The following NBEA variants were observed in gnomAD, a reference collection of about 807,000 sequenced individuals.
NBEA encodes the protein lysosomal-trafficking regulator 2.
Under a neutral mutation model 343.4 loss-of-function variants are expected in NBEA, and 44 were observed. That is an observed-to-expected ratio of 0.13 (90% confidence interval 0.10 to 0.16). NBEA has a LOEUF of 0.16. NBEA is among the 10% of genes least tolerant of loss of function. The pLI, the probability that NBEA is intolerant of heterozygous loss-of-function variation, is 1.00. For synonymous variants in NBEA, 1,175 were observed against 1,238.7 expected, an observed-to-expected ratio of 0.95 and a Z score of 1.08; for missense variants, 2,555 against 3,631.3, an observed-to-expected ratio of 0.70 and a Z score of 7.62.
At chr13:35,177,883 G>C (rs2071026960) in intron 28 of NBEA, among the ~76,000 whole-genome samples, 1 of 151,600 alleles carries the variant, frequency 6.6e-6, no homozygotes, top group Non-Finnish European at 1.5e-5. Flanking sequence ...TGAATGGCAT[G>C]CTTTGTACTT....
chr13:35,350,359 C>T (rs1276026531), intron 37 of NBEA, among the ~76,000 whole-genome samples: 4 of 152,210 alleles, frequency 2.6e-5, no homozygotes, highest in Middle Eastern at 3.4e-3. Context: ...TCCTTTTAGA[C>T]ATTTTGCCTA....
chr13:35,010,583 A>G (rs960737162), intron 1 of NBEA, among the ~76,000 whole-genome samples: 9 of 149,558 alleles, frequency 6.0e-5, no homozygotes, highest in Non-Finnish European at 1.2e-4. Context: ...TCTCAAAAAA[A>G]AAAAAAAAAA....
intron 56 of NBEA, 135 bp downstream of exon 56, chr13:35,665,321 G>T (rs2085300001): frequency 1.5e-6 from 1 of 646,570 alleles, no homozygotes; most frequent in South Asian, 2.0e-5. Flanking sequence ...TAGATGTTTA[G>T]TTTTATGATT....
At chr13:35,333,961 A>T (rs2039085457) in intron 36 of NBEA, among the ~76,000 whole-genome samples, 1 of 152,054 alleles carries the variant, frequency 6.6e-6, no homozygotes, top group Admixed American at 6.6e-5. Flanking sequence ...GACATTTAGG[A>T]TGCTTCCAAA....
chr13:35,070,452 C>T (rs1449742237), intron 9 of NBEA, among the ~76,000 whole-genome samples: 1 of 151,844 alleles, frequency 6.6e-6, no homozygotes, highest in East Asian at 1.9e-4. Context: ...TCTTTAAATC[C>T]ATCAATAGTA....
intron 38 of NBEA, among the ~76,000 whole-genome samples, chr13:35,387,357 AT>A (rs996747120): frequency 1.3e-5 from 2 of 151,486 alleles, no homozygotes; most frequent in Admixed American, 6.6e-5. Flanking sequence ...AGGGACATTG[AT>A]TTTTTTTCCT....
intron 38 of NBEA, among the ~76,000 whole-genome samples, chr13:35,395,316 C>A (rs1443307788): frequency 6.6e-6 from 1 of 151,860 alleles, no homozygotes; most frequent in Non-Finnish European, 1.5e-5. Flanking sequence ...TGCTATTCCT[C>A]TGATAGAATT....
chr13:35,639,761 T>C (rs904435690), intron 49 of NBEA, among the ~76,000 whole-genome samples: 1 of 152,132 alleles, frequency 6.6e-6, no homozygotes, highest in Non-Finnish European at 1.5e-5. Context: ...ATATTTTGCA[T>C]TGTGGGTACC....
chr13:35,569,240 G>T (rs1047233586), intron 45 of NBEA, among the ~76,000 whole-genome samples: 1 of 152,138 alleles, frequency 6.6e-6, no homozygotes, highest in South Asian at 2.1e-4. Flanking sequence ...ATTTTGGGGT[G>T]TAAAACAAAA....
intron 1 of NBEA, among the ~76,000 whole-genome samples, chr13:35,031,395 T>C (rs1324787628): frequency 6.6e-6 from 1 of 151,720 alleles, no homozygotes; most frequent in African/African-American, 2.4e-5. Flanking sequence ...TGATATCTAA[T>C]AGAGTGTATG....
intron 35 of NBEA, among the ~76,000 whole-genome samples, chr13:35,294,248 C>CT (rs919577927): frequency 1.1e-3 from 150 of 140,254 alleles, no homozygotes; most frequent in Middle Eastern, 3.9e-3. Context: ...AAAGAACAAT[C>CT]TTTTTTTTTT....
chr13:34,996,129 C>T (rs1037289441), intron 1 of NBEA, among the ~76,000 whole-genome samples: 1 of 152,096 alleles, frequency 6.6e-6, no homozygotes. Flanking sequence ...AGTAGATTTG[C>T]TATATAATAC....
intron 40 of NBEA, among the ~76,000 whole-genome samples, chr13:35,464,474 G>T (rs531296336): frequency 6.6e-6 from 1 of 152,098 alleles, no homozygotes; most frequent in Non-Finnish European, 1.5e-5. Flanking sequence ...TATCCCAACT[G>T]CTCACTTCCC....
Position 35,471,608 on chromosome 13 carries a change from T to A in NBEA, c.6449-792T>A, listed in dbSNP as rs73497937. ...ATTCCATACGCGTAATTCGTGATTT[T>A]CAACCTTAACAGATTGAGGGAATTC... is the stretch of plus-strand genomic sequence containing the variant. On this transcript the variant is annotated intron_variant, in intron 40 of 58. Coordinates refer to ENST00000379939, the MANE Select transcript of NBEA (RefSeq NM_001385012.1). Among the ~76,000 whole-genome samples the A allele has an allele frequency of 6.2e-3, 939 of 152,348 alleles. 11 individuals are homozygous for A. The highest frequency in any genetic ancestry group is 0.022 in the African/African-American group (904 of 41,584).
intron 1 of NBEA, among the ~76,000 whole-genome samples, chr13:34,956,959 T>C (rs1308686518): frequency 2.0e-5 from 3 of 152,026 alleles, no homozygotes; most frequent in Non-Finnish European, 4.4e-5. Flanking sequence ...CCAAAAGTAA[T>C]TTCTACAGGA....
At chr13:35,177,318 G>A (rs552840831) in intron 28 of NBEA, among the ~76,000 whole-genome samples, 17 of 151,958 alleles carry the variant, frequency 1.1e-4, no homozygotes, top group African/African-American at 4.1e-4. Context: ...AAATTTTGAT[G>A]TAAGTTGCTT....
intron 10 of NBEA, among the ~76,000 whole-genome samples, chr13:35,082,837 G>A (rs1053124954): frequency 2.0e-5 from 3 of 152,114 alleles, no homozygotes; most frequent in African/African-American, 7.2e-5. Context: ...CAGATGAGTA[G>A]ATTGCAAAAA....
intron 34 of NBEA, among the ~76,000 whole-genome samples, chr13:35,283,509 AT>A (rs1482430622): frequency 6.6e-6 from 1 of 152,142 alleles, no homozygotes; most frequent in Non-Finnish European, 1.5e-5. Flanking sequence ...AATTAATAAT[AT>A]TAATTTCTTT....
chr13:35,465,823 GT>G (rs35032851), intron 40 of NBEA, among the ~76,000 whole-genome samples: 319 of 146,230 alleles, frequency 2.2e-3, no homozygotes, highest in African/African-American at 6.1e-3. Context: ...AAATGCAGCA[GT>G]TTTTTTTTTT....
Sources: gnomAD v4.1 joint callset for allele counts (sites outside exome capture counted in the v4.1 genomes callset) on GRCh38, gnomAD v4.1.1 for gene constraint, MANE v1.5 for transcripts, NCBI Gene and HGNC (gene_info 2026-07-23, HGNC 2026-07-21) for gene names.